CRTC1: variants seen among roughly 807,000 people sequenced by gnomAD.
CRTC1 encodes CREB-regulated transcription coactivator 1.
Under a neutral mutation model 66.1 loss-of-function variants are expected in CRTC1, and 18 were observed. The ratio of observed to expected loss-of-function variants is 0.27; its 90% CI spans 0.19 to 0.40. The LOEUF is 0.40. CRTC1 is among the 10% of genes least tolerant of loss of function. The pLI is 1.00. For missense variants in CRTC1, 669 were observed against 887.9 expected (o/e 0.75, Z 3.13); for synonymous variants, 416 against 398.8 (o/e 1.04, Z -0.51).
intron 1 of CRTC1, among the ~76,000 whole-genome samples, chr19:18,731,144 G>A (rs1377391861): frequency 6.6e-6 from 1 of 152,160 alleles, no homozygotes; most frequent in Non-Finnish European, 1.5e-5. Flanking sequence ...GCTCAGCCTG[G>A]GCTAATTTTC....
intron 1 of CRTC1, among the ~76,000 whole-genome samples, chr19:18,694,890 C>A (rs1016380114): frequency 6.6e-6 from 1 of 150,676 alleles, no homozygotes; most frequent in African/African-American, 2.4e-5. Context: ...CTTTCAGCGA[C>A]CTCTTTTTTT....
rs1211603469 is a variant in CRTC1 at position 18,768,538 on chromosome 19, C to T, written c.1065C>T (p.Phe355=). 2 of 1,608,360 alleles carry T rather than the reference C, an allele frequency of 1.2e-6. No individual in the cohort carries two copies. The highest frequency in any genetic ancestry group is 2.7e-5 in the African/African-American group (2 of 74,686). ...AGCAGCAGCTGCCCTACGCCTTCTTCACCCAGGCGGGCTCCCAGCAGCCAC... is the reference window on the plus strand; with the variant it reads ...AGCAGCAGCTGCCCTACGCCTTCTTTACCCAGGCGGGCTCCCAGCAGCCAC... ...SLEQQLPYAF[F]TQAGSQQPPP... The change falls in exon 10 of 14, where the codon TTC becomes TTT. Residue 355 remains phenylalanine, a synonymous_variant. Transcript: ENST00000321949. The surrounding 1 kb of genome is among the most constrained non-coding windows in gnomAD (Gnocchi z 5.6).
intron 1 of CRTC1, among the ~76,000 whole-genome samples, chr19:18,725,743 T>C (rs2053736074): frequency 6.6e-6 from 1 of 152,210 alleles, no homozygotes; most frequent in Admixed American, 6.5e-5. Flanking sequence ...TCTGTCTTTC[T>C]CGCGTGGCTC....
intron 1 of CRTC1, among the ~76,000 whole-genome samples, chr19:18,722,928 G>A (rs2053660276): frequency 6.6e-6 from 1 of 152,068 alleles, no homozygotes; most frequent in African/African-American, 2.4e-5. Context: ...CCATGCTGTA[G>A]CATGGATCAG....
intron 1 of CRTC1, among the ~76,000 whole-genome samples, chr19:18,737,058 A>G (rs1600887796): frequency 6.6e-6 from 1 of 151,832 alleles, no homozygotes. Flanking sequence ...CCATTCCCCT[A>G]CCTAGGGGCT....
intron 1 of CRTC1, among the ~76,000 whole-genome samples, chr19:18,704,898 A>ACCCC (rs2053227300): frequency 3.0e-4 from 18 of 60,954 alleles, no homozygotes; most frequent in East Asian, 1.4e-3. Flanking sequence ...TCACCCACCC[A>ACCCC]CCCCCTACCC....
At chr19:18,755,725 C>G (rs550003472) in intron 6 of CRTC1, among the ~76,000 whole-genome samples, 1 of 151,628 alleles carries the variant, frequency 6.6e-6, no homozygotes, top group East Asian at 2.0e-4. Flanking sequence ...GCCTCAGCCT[C>G]CCGAGTAGCT....
At chr19:18,713,380 C>T (rs1200997615) in intron 1 of CRTC1, among the ~76,000 whole-genome samples, 2 of 152,226 alleles carry the variant, frequency 1.3e-5, no homozygotes, top group African/African-American at 4.8e-5. Flanking sequence ...TGGACACTGT[C>T]TTCAGTTCTC....
chr19:18,692,380 A>C (rs370235159), intron 1 of CRTC1, among the ~76,000 whole-genome samples: 1 of 152,214 alleles, frequency 6.6e-6, no homozygotes, highest in Non-Finnish European at 1.5e-5. Context: ...AGTGAGGGGC[A>C]TGAAAAACAG....
intron 1 of CRTC1, among the ~76,000 whole-genome samples, chr19:18,707,052 A>AT (rs1568487687): frequency 6.6e-6 from 1 of 152,084 alleles, no homozygotes; most frequent in African/African-American, 2.4e-5. Context: ...GCAGCATCCA[A>AT]TTTATGTATT....
intron 2 of CRTC1, chr19:18,744,005 C>G (rs1600910527): frequency 1.6e-6 from 2 of 1,241,786 alleles, no homozygotes; most frequent in African/African-American, 1.5e-5. Flanking sequence ...TGTTGGGTGT[C>G]TGTCGCCCGA....
In CRTC1 at chr19:18,758,454, C is replaced by T. The variant is rs2054542341; in HGVS notation, c.625-1097C>T. ...CTGTGGGCCACAGTCCAAGAGGAGC[C>T]TATTGTGGGCCCTTTCCATACACCA... On this transcript the variant is annotated intron_variant, in intron 6 of 13. Coordinates refer to ENST00000321949, the MANE Select transcript of CRTC1 (RefSeq NM_015321.3). Among the ~76,000 whole-genome samples the T allele has an allele frequency of 2.6e-5, 4 of 152,080 alleles. No homozygotes were observed. In the South Asian group the frequency reaches 8.3e-4, roughly 32 times the overall value.
chr19:18,690,543 T>C (rs2052804681), intron 1 of CRTC1, among the ~76,000 whole-genome samples: 1 of 152,180 alleles, frequency 6.6e-6, no homozygotes, highest in Non-Finnish European at 1.5e-5. Flanking sequence ...CCCCAGGTTG[T>C]GAGCTGCATG....
At chr19:18,728,927 C>T (rs2053823928) in intron 1 of CRTC1, among the ~76,000 whole-genome samples, 1 of 149,542 alleles carries the variant, frequency 6.7e-6, no homozygotes. Context: ...ATTCTCCTGC[C>T]TCAGCCTCCC....
chr19:18,756,094 G>A (rs1451501710), intron 6 of CRTC1, among the ~76,000 whole-genome samples: 1 of 152,068 alleles, frequency 6.6e-6, no homozygotes, highest in Non-Finnish European at 1.5e-5. Flanking sequence ...AGCACTTTGG[G>A]AGGCCGAGGC....
intron 1 of CRTC1, among the ~76,000 whole-genome samples, chr19:18,697,434 T>G (rs577581479): frequency 2.0e-5 from 3 of 152,274 alleles, no homozygotes; most frequent in African/African-American, 7.2e-5. Context: ...CTCAGCCTCC[T>G]GAATAGCTGG....
At chr19:18,695,415 A>G (rs2052961243) in intron 1 of CRTC1, among the ~76,000 whole-genome samples, 1 of 152,138 alleles carries the variant, frequency 6.6e-6, no homozygotes, top group Non-Finnish European at 1.5e-5. Context: ...AAACATCAAA[A>G]TCCACAGGTT....
At chr19:18,758,132 T>C (rs1451187707) in intron 6 of CRTC1, among the ~76,000 whole-genome samples, 7 of 151,050 alleles carry the variant, frequency 4.6e-5, no homozygotes, top group Admixed American at 2.6e-4. Flanking sequence ...GGGGCCGAGG[T>C]GGGCGGATCA....
intron 1 of CRTC1, among the ~76,000 whole-genome samples, chr19:18,719,949 C>T (rs191578333): frequency 1.3e-5 from 2 of 152,366 alleles, no homozygotes; most frequent in African/African-American, 2.4e-5. Context: ...TTGCCTGGGA[C>T]CCAGGGGCCG....
Sources: gnomAD v4.1 joint callset for allele counts (sites outside exome capture counted in the v4.1 genomes callset) on GRCh38, gnomAD v4.1.1 for gene constraint, Gnocchi (gnomAD v3.1) non-coding constraint, MANE v1.5 for transcripts, NCBI Gene and HGNC (gene_info 2026-07-23, HGNC 2026-07-21) for gene names.